PKP4: variants seen among roughly 807,000 people sequenced by gnomAD.
PKP4 encodes plakophilin 4, also known as plakophilin-4.
PKP4 carries 90 observed loss-of-function variants against 145.1 expected under a neutral mutation model. The ratio of observed to expected loss-of-function variants is 0.62; its 90% CI spans 0.52 to 0.74. The LOEUF is 0.74. Among genes scored for constraint, PKP4 ranks in the 30% least tolerant of loss-of-function variants. The pLI, the probability that PKP4 is intolerant of heterozygous loss-of-function variation, is 0.00. For synonymous variants in PKP4, 563 were observed against 577.2 expected, an observed-to-expected ratio of 0.98 and a Z score of 0.35; for missense variants, 1,340 against 1,482.7, an observed-to-expected ratio of 0.90 and a Z score of 1.58.
intron 20 of PKP4, among the ~76,000 whole-genome samples, chr2:158,678,374 T>C (rs1284203753): frequency 6.6e-6 from 1 of 152,116 alleles, no homozygotes; most frequent in East Asian, 1.9e-4. Context: ...GCCATAGTTT[T>C]GCCATTAGCC....
chr2:158,502,690 C>T (rs753040274), intron 1 of PKP4, among the ~76,000 whole-genome samples: 10 of 152,202 alleles, frequency 6.6e-5, no homozygotes, highest in Non-Finnish European at 1.0e-4. Flanking sequence ...CTTTAGGGAA[C>T]TGCCCAATTG....
intron 9 of PKP4, among the ~76,000 whole-genome samples, chr2:158,635,694 T>G (rs928120689): frequency 6.6e-6 from 1 of 152,166 alleles, no homozygotes; most frequent in Non-Finnish European, 1.5e-5. Context: ...ACCTCAGCTA[T>G]TCATAGTGTG....
At chr2:158,467,764 T>C (rs1381234126) in intron 1 of PKP4, among the ~76,000 whole-genome samples, 2 of 152,158 alleles carry the variant, frequency 1.3e-5, no homozygotes, top group African/African-American at 2.4e-5. Context: ...GAAGGATTGC[T>C]TGAGCCCAGG....
At chr2:158,483,111 A>T (rs918009765) in intron 1 of PKP4, among the ~76,000 whole-genome samples, 1 of 152,178 alleles carries the variant, frequency 6.6e-6, no homozygotes, top group Non-Finnish European at 1.5e-5. Flanking sequence ...TCCTTAAAAA[A>T]ATCAGTGTTT....
At chr2:158,556,840 C>T (rs768663628) in intron 2 of PKP4, among the ~76,000 whole-genome samples, 11 of 152,264 alleles carry the variant, frequency 7.2e-5, no homozygotes, top group Admixed American at 2.0e-4. Context: ...GAGATGATCA[C>T]GTCAGAGTAA....
intron 1 of PKP4, among the ~76,000 whole-genome samples, chr2:158,506,990 A>G (rs1323578452): frequency 1.3e-5 from 2 of 152,198 alleles, no homozygotes; most frequent in Admixed American, 1.3e-4. Context: ...CTCCTAAATA[A>G]CAGTATGGAA....
chr2:158,577,203 T>C, intron 2 of PKP4, 68 bp from the exon 3 acceptor site: 1 of 916,296 alleles, frequency 1.1e-6, no homozygotes, highest in South Asian at 1.5e-5. Context: ...TGACATACAT[T>C]AATTCATATA....
chr2:158,662,737 C>A (rs368064298), intron 13 of PKP4, 160 bp from the exon 14 acceptor site: 4 of 593,546 alleles, frequency 6.7e-6, no homozygotes, highest in East Asian at 2.9e-5. Flanking sequence ...CACAAACACT[C>A]TAGAATCATA....
chr2:158,662,817 C>T, intron 13 of PKP4, 80 bp from the exon 14 acceptor site: 1 of 1,025,900 alleles, frequency 9.7e-7, no homozygotes, highest in East Asian at 2.5e-5. Context: ...CATTTATTTC[C>T]TGTCTGTAGT....
chr2:158,559,276 A>G (rs1417796164), intron 2 of PKP4, among the ~76,000 whole-genome samples: 1 of 151,824 alleles, frequency 6.6e-6, no homozygotes, highest in Non-Finnish European at 1.5e-5. Context: ...GATCCTTTCT[A>G]CAGCCCCTTT....
rs17493720 is a variant in PKP4, at chr2:158,628,724, A to G, written c.1154-3029A>G. The stretch of plus-strand genomic sequence containing the variant: ...GTGCTTACAAAACCTTTCAGATTGC[A>G]TGGATTCCAGTGACGAATCCAGCCA... On this transcript the variant is annotated intron_variant, in intron 7 of 21. Transcript: ENST00000389759. 6.4e-4 allele frequency among the ~76,000 whole-genome samples: 97 copies of G among 152,364 alleles called. 1 individual carries two copies. In the Middle Eastern group the frequency reaches 0.017, roughly 27 times the overall value.
At position 158,531,825 on chromosome 2, in the gene PKP4, A is replaced by C. The variant is rs150486544; in HGVS notation, c.-5-1355A>C. On this transcript the variant is annotated intron_variant, in intron 1 of 21. Transcript: ENST00000389759. ...CTAGGCCTTATGTGCCATGAAAATG[A>C]GAGATTGAGAATTCACTTGCTAGAT... Among the ~76,000 whole-genome samples the C allele has an allele frequency of 2.6e-3, 395 of 152,300 alleles. 1 individual carries two copies. Among genetic ancestry groups the C allele is most frequent in the African/African-American group, 9.1e-3 (377 of 41,570 alleles).
intron 11 of PKP4, among the ~76,000 whole-genome samples, chr2:158,657,880 A>T (rs977736375): frequency 6.6e-6 from 1 of 152,134 alleles, no homozygotes. Context: ...TGCCTAATAG[A>T]TACAGAGGGT....
chr2:158,622,200 C>CA (rs563368806), intron 6 of PKP4, among the ~76,000 whole-genome samples: 89 of 152,262 alleles, frequency 5.8e-4, no homozygotes, highest in African/African-American at 2.0e-3. Context: ...TCTAAAACTA[C>CA]ATTTCTTTTC....
At chr2:158,653,734 G>A (rs770227766) in intron 11 of PKP4, among the ~76,000 whole-genome samples, 10 of 152,200 alleles carry the variant, frequency 6.6e-5, no homozygotes, top group Non-Finnish European at 1.0e-4. Flanking sequence ...AATGGAGTAT[G>A]GTGATAAATA....
intron 1 of PKP4, among the ~76,000 whole-genome samples, chr2:158,529,059 A>G (rs997334970): frequency 1.3e-5 from 2 of 152,182 alleles, no homozygotes. Flanking sequence ...CCCTCCTGCA[A>G]TCATCATCGA....
intron 3 of PKP4, among the ~76,000 whole-genome samples, chr2:158,581,223 C>T (rs768116802): frequency 2.1e-4 from 32 of 152,108 alleles, no homozygotes; most frequent in African/African-American, 6.0e-4. Flanking sequence ...ATGCCATTTC[C>T]GATTTGCTAA....
intron 1 of PKP4, among the ~76,000 whole-genome samples, chr2:158,490,449 G>T (rs748896363): frequency 1.3e-5 from 2 of 151,878 alleles, no homozygotes; most frequent in Non-Finnish European, 2.9e-5. Flanking sequence ...TAAAGTCGAT[G>T]AATTTTTCTT....
At chr2:158,649,509 G>C (rs2055148209) in intron 11 of PKP4, among the ~76,000 whole-genome samples, 1 of 152,210 alleles carries the variant, frequency 6.6e-6, no homozygotes. Flanking sequence ...TAGTGATCAA[G>C]TATAATCATA....
Sources: gnomAD v4.1 joint callset for allele counts (sites outside exome capture counted in the v4.1 genomes callset) on GRCh38, gnomAD v4.1.1 for gene constraint, MANE v1.5 for transcripts, NCBI Gene and HGNC (gene_info 2026-07-23, HGNC 2026-07-21) for gene names.